SCN7A: variants seen among roughly 807,000 people sequenced by gnomAD.
SCN7A encodes the protein sodium channel protein type 7 subunit alpha.
A neutral mutation model predicts 155.2 loss-of-function variants in SCN7A; 138 were observed. That is an observed-to-expected ratio of 0.89 (90% confidence interval 0.77 to 1.02). SCN7A has a LOEUF of 1.02. SCN7A is among the 50% of genes least tolerant of loss of function. The probability of loss-of-function intolerance (pLI) is 0.00; values close to 1 mark genes in which losing one functional copy is unlikely to be tolerated. For synonymous variants in SCN7A, 693 were observed against 649.0 expected (o/e 1.07, Z -1.03); for missense variants, 2,058 against 1,986.6 (o/e 1.04, Z -0.68).
At chr2:166,431,972 C>T (rs1701740641) in intron 16 of SCN7A, among the ~76,000 whole-genome samples, 1 of 152,012 alleles carries the variant, frequency 6.6e-6, no homozygotes, top group Non-Finnish European at 1.5e-5. Context: ...TACTTTTCAG[C>T]ACCCTCAAAC....
intron 16 of SCN7A, among the ~76,000 whole-genome samples, chr2:166,430,499 T>G (rs1701711680): frequency 6.6e-6 from 1 of 151,878 alleles, no homozygotes; most frequent in Non-Finnish European, 1.5e-5. Context: ...CATCATAAAT[T>G]TATATTTTTA....
intron 23 of SCN7A, among the ~76,000 whole-genome samples, chr2:166,412,111 C>T (rs1215982152): frequency 1.3e-5 from 2 of 152,072 alleles, no homozygotes; most frequent in Non-Finnish European, 2.9e-5. Context: ...CTACTTCTAG[C>T]AGAAAGAACT....
chr2:166,422,698 T>C (rs990804714), intron 19 of SCN7A, among the ~76,000 whole-genome samples: 1 of 152,146 alleles, frequency 6.6e-6, no homozygotes, highest in Non-Finnish European at 1.5e-5. Flanking sequence ...GCAAAGATTG[T>C]TGATTTTACC....
chr2:166,445,330 A>AAAGGAAGG (rs985406129), intron 12 of SCN7A, among the ~76,000 whole-genome samples: 15 of 150,548 alleles, frequency 1.0e-4, no homozygotes, highest in Non-Finnish European at 1.8e-4. Context: ...AAGAAGGAAA[A>AAAGGAAGG]AAGGAAGGAA....
chr2:166,417,083 TA>T (rs922450190), intron 20 of SCN7A, 98 bp from the exon 21 acceptor site: 86 of 906,834 alleles, frequency 9.5e-5, no homozygotes, highest in African/African-American at 8.6e-4. Flanking sequence ...ATAACATATT[TA>T]AAAAAAAACC....
intron 20 of SCN7A, among the ~76,000 whole-genome samples, chr2:166,419,192 G>A (rs1019012137): frequency 1.3e-4 from 19 of 151,852 alleles, no homozygotes; most frequent in South Asian, 6.2e-4. Context: ...GTATTATCCC[G>A]TTTTTTGAAA....
intron 18 of SCN7A, among the ~76,000 whole-genome samples, chr2:166,424,374 C>A (rs1418918197): frequency 6.6e-6 from 1 of 151,920 alleles, no homozygotes; most frequent in East Asian, 1.9e-4. Context: ...GATCCTGCTG[C>A]AAAGAACCAG....
In SCN7A at chr2:166,404,475, A is replaced by G. The variant is rs2105351242; in HGVS notation, c.*1105T>C. 6.6e-6 allele frequency: 1 copy of G among 151,844 alleles called. No individual in the cohort carries two copies. Among genetic ancestry groups the G allele is most frequent in the East Asian group, 1.9e-4 (1 of 5,150 alleles). The allele number at this position is 151,844 out of a possible 1,614,324, so 9.4% of individuals were successfully genotyped here. On this transcript the variant is annotated 3_prime_UTR_variant, in exon 26 of 26. Coordinates refer to ENST00000643258, the MANE Select transcript of SCN7A (RefSeq NM_002976.4). ...TGTTATAAAACAACAACAAATTTAA[A>G]CTTTTATCTCCTAATTCATAGTTCT...
At chr2:166,410,472 G>A (rs1701177449) in intron 23 of SCN7A, 148 bp from the exon 24 acceptor site, 3 of 583,704 alleles carry the variant, frequency 5.1e-6, no homozygotes, top group South Asian at 4.9e-5. Context: ...GTTTGAACAT[G>A]TCTGACTTTC....
At chr2:166,425,912 G>C (rs968787898) in intron 18 of SCN7A, among the ~76,000 whole-genome samples, 1 of 152,004 alleles carries the variant, frequency 6.6e-6, no homozygotes, top group Non-Finnish European at 1.5e-5. Flanking sequence ...GGATCAAAGG[G>C]GATAGAATGT....
At chr2:166,418,670 C>A (rs1207086495) in intron 20 of SCN7A, among the ~76,000 whole-genome samples, 3 of 151,912 alleles carry the variant, frequency 2.0e-5, no homozygotes, top group Admixed American at 2.0e-4. Flanking sequence ...GATCACAGAT[C>A]TTTTGTTAAT....
chr2:166,475,102 ATG>A (rs1483997376), intron 3 of SCN7A, among the ~76,000 whole-genome samples: 33 of 103,732 alleles, frequency 3.2e-4, no homozygotes, highest in South Asian at 2.9e-4. Context: ...ACACATATAT[ATG>A]TATATATATA....
intron 12 of SCN7A, among the ~76,000 whole-genome samples, chr2:166,447,132 C>G (rs1375167774): frequency 2.0e-5 from 3 of 151,990 alleles, no homozygotes; most frequent in Admixed American, 6.6e-5. Flanking sequence ...GAAAATGAAG[C>G]GAACGTGTAT....
chr2:166,484,287 G>GA (rs1395626436), intron 2 of SCN7A, among the ~76,000 whole-genome samples: 1 of 151,668 alleles, frequency 6.6e-6, no homozygotes, highest in Non-Finnish European at 1.5e-5. Flanking sequence ...ACAACTAAAA[G>GA]AACAATTCAG....
At chr2:166,470,068 A>G (rs1260920678) in intron 7 of SCN7A, among the ~76,000 whole-genome samples, 1 of 151,834 alleles carries the variant, frequency 6.6e-6, no homozygotes, top group East Asian at 1.9e-4. Context: ...TGTTTCTGTT[A>G]GAATGTCTTT....
At chr2:166,418,733 A>T (rs1182897237) in intron 20 of SCN7A, among the ~76,000 whole-genome samples, 9 of 152,188 alleles carry the variant, frequency 5.9e-5, no homozygotes, top group Non-Finnish European at 1.2e-4. Context: ...GAAAAATGCC[A>T]TGTCTTTTAG....
intron 3 of SCN7A, among the ~76,000 whole-genome samples, chr2:166,475,095 C>CGTATATATGTAT (rs1559125101): frequency 1.2e-5 from 1 of 84,508 alleles, no homozygotes; most frequent in African/African-American, 4.1e-5. Context: ...TATATATACA[C>CGTATATATGTAT]ATATATATGT....
chr2:166,483,483 G>C (rs1342152787), intron 2 of SCN7A, among the ~76,000 whole-genome samples: 1 of 151,778 alleles, frequency 6.6e-6, no homozygotes, highest in Non-Finnish European at 1.5e-5. Flanking sequence ...ATTGTTTGTG[G>C]AACACCTATA....
intron 9 of SCN7A, 94 bp from the exon 10 acceptor site, chr2:166,462,624 A>G (rs1191459007): frequency 4.3e-6 from 5 of 1,162,702 alleles, no homozygotes; most frequent in African/African-American, 1.5e-5. Context: ...TGAGTAATAG[A>G]GAACTCACGC....
Sources: gnomAD v4.1 joint callset for allele counts (sites outside exome capture counted in the v4.1 genomes callset) on GRCh38, gnomAD v4.1.1 for gene constraint, MANE v1.5 for transcripts, NCBI Gene and HGNC (gene_info 2026-07-23, HGNC 2026-07-21) for gene names.